SLC44A1: variants seen among roughly 807,000 people sequenced by gnomAD.
SLC44A1 encodes the protein solute carrier family 44 member 1.
In SLC44A1, 26 loss-of-function variants were observed where a neutral mutation model predicts 79.3. That is an observed-to-expected ratio of 0.33 (90% confidence interval 0.24 to 0.46). The LOEUF is 0.46. SLC44A1 is among the 20% of genes least tolerant of loss of function. The pLI is 1.00. For synonymous variants in SLC44A1, 263 were observed against 286.2 expected (o/e 0.92, Z 0.82); for missense variants, 688 against 798.1 (o/e 0.86, Z 1.66).
intron 4 of SLC44A1, among the ~76,000 whole-genome samples, chr9:105,339,144 A>G (rs1827012438): frequency 6.6e-6 from 1 of 152,240 alleles, no homozygotes; most frequent in Non-Finnish European, 1.5e-5. Flanking sequence ...ACAAAAATCA[A>G]CAGAGTGAAA....
Position 105,396,326 on chromosome 9 carries a change from A to G in SLC44A1, c.*7270A>G. 1.0e-6 allele frequency: 1 copy of G among 985,396 alleles called. No homozygotes were observed. The highest frequency in any genetic ancestry group is 1.2e-6 in the Non-Finnish European group (1 of 829,896). The allele number at this position is 985,396 out of a possible 1,614,324, so 61.0% of individuals were successfully genotyped here. A position where few individuals can be genotyped will look rare whatever the true frequency, so the allele number is the denominator to read the frequency against. ...TTAACTGATTTTATTACAGGAGAAA[A>G]AAACTTTAACAAAAAGGCAGGGAGA... On this transcript the variant is annotated 3_prime_UTR_variant, in exon 16 of 16. Transcript: ENST00000374720.
At chr9:105,385,602 G>T in intron 15 of SLC44A1, 100 bp downstream of exon 15, 13 of 1,522,280 alleles carry the variant, frequency 8.5e-6, no homozygotes, top group Middle Eastern at 1.7e-4. Context: ...AGAAGCTTTT[G>T]TTATCTGTAT....
intron 2 of SLC44A1, among the ~76,000 whole-genome samples, chr9:105,306,398 C>T (rs59290851): frequency 0.042 from 6,345 of 152,114 alleles, 449 homozygotes; most frequent in African/African-American, 0.14. Context: ...ATATTGCTTC[C>T]CACATTCGGA....
chr9:105,302,471 G>A (rs1290792161), intron 2 of SLC44A1, among the ~76,000 whole-genome samples: 1 of 151,698 alleles, frequency 6.6e-6, no homozygotes, highest in Admixed American at 6.6e-5. Context: ...TCCTGCCTCG[G>A]CCTCCTGAGT....
At chr9:105,327,714 C>T (rs933547517) in intron 3 of SLC44A1, among the ~76,000 whole-genome samples, 1 of 152,172 alleles carries the variant, frequency 6.6e-6, no homozygotes, top group Non-Finnish European at 1.5e-5. Flanking sequence ...GTTCCTACCC[C>T]CTTTCATCCA....
In SLC44A1 at chr9:105,390,389, G is replaced by A; in HGVS notation, c.*1333G>A. The stretch of plus-strand genomic sequence containing the variant: ...GTTAATGTAAAGTAAATATTTCAGA[G>A]CAAATTTTTTAAACTTATTGCACTA... On this transcript the variant is annotated 3_prime_UTR_variant, in exon 16 of 16. Coordinates refer to ENST00000374720, the MANE Select transcript of SLC44A1 (RefSeq NM_080546.5). 1.1e-6 allele frequency: 1 copy of A among 898,260 alleles called. No homozygotes were observed. 55.6% of individuals were successfully genotyped at this position (898,260 alleles called of 1,614,324 possible).
chr9:105,405,845 C>T lies in SLC44A1; in HGVS notation c.1950+20343C>T, dbSNP rs930454320. 3.3e-5 allele frequency among the ~76,000 whole-genome samples: 5 copies of T among 152,042 alleles called. No individual in the cohort carries two copies. The East Asian group carries it at 7.7e-4, about 23-fold the overall frequency. The stretch of plus-strand genomic sequence containing the variant: ...GGTGAAGAATAACAGATGCGGCAAA[C>T]GGCAGACAGATGGAAGCCTGGGAAA... On this transcript the variant is annotated intron_variant, in intron 15 of 15. Transcript: ENST00000374724.
At chr9:105,362,304 T>C (rs936086245) in intron 8 of SLC44A1, among the ~76,000 whole-genome samples, 5 of 152,194 alleles carry the variant, frequency 3.3e-5, no homozygotes, top group Non-Finnish European at 5.9e-5. Flanking sequence ...TATTTGTTAG[T>C]TATTGTTATA....
At chr9:105,273,477 CCTTTTTTG>C (rs1244397155) in intron 1 of SLC44A1, among the ~76,000 whole-genome samples, 1 of 152,090 alleles carries the variant, frequency 6.6e-6, no homozygotes, top group Non-Finnish European at 1.5e-5. Flanking sequence ...CTGTATTTTT[CCTTTTTTG>C]CTTTTTTCTA....
rs2131288825 is a variant in SLC44A1 at position 105,299,453 on chromosome 9, A to G, written c.126+144A>G. ...TGTGTCACTCTTGATTTGTTTTTCT[A>G]CATGAAAACTGAGCTCAAATTAAGG... On this transcript the variant is annotated intron_variant, in intron 2 of 15. Coordinates refer to ENST00000374720, the MANE Select transcript of SLC44A1 (RefSeq NM_080546.5). 3 of 568,392 alleles carry G rather than the reference A, an allele frequency of 5.3e-6. No homozygotes were observed. In the South Asian group the frequency reaches 9.4e-5, roughly 18 times the overall value. 35.2% of individuals were successfully genotyped at this position (568,392 alleles called of 1,614,324 possible). A position where few individuals can be genotyped will look rare whatever the true frequency, so the allele number is the denominator to read the frequency against.
intron 9 of SLC44A1, among the ~76,000 whole-genome samples, 198 bp downstream of exon 9, chr9:105,363,205 CA>C (rs1827836010): frequency 6.6e-6 from 1 of 152,212 alleles, no homozygotes; most frequent in South Asian, 2.1e-4. Flanking sequence ...CTCTGTCACC[CA>C]GGCTGGAGTG....
At chr9:105,419,094 C>T (rs1362985599) in intron 15 of SLC44A1, among the ~76,000 whole-genome samples, 1 of 151,920 alleles carries the variant, frequency 6.6e-6, no homozygotes, top group Admixed American at 6.6e-5. Flanking sequence ...TTTGAAAAGA[C>T]ACAAAAGAAA....
In SLC44A1 at chr9:105,393,773, G is replaced by T. The variant is rs759685967; in HGVS notation, c.*4717G>T. On this transcript the variant is annotated 3_prime_UTR_variant, in exon 16 of 16. Transcript: ENST00000374720. ...TCGTTAGTAAATTTGTGAAAAACAT[G>T]TGAGATTGTTCGAGACCTATTAGGC... is the stretch of plus-strand genomic sequence containing the variant. 2.3e-5 allele frequency: 23 copies of T among 985,268 alleles called. No individual in the cohort carries two copies. Among genetic ancestry groups the T allele is most frequent in the Non-Finnish European group, 2.8e-5 (23 of 829,812 alleles). 61.0% of individuals were successfully genotyped at this position (985,268 alleles called of 1,614,324 possible). A position where few individuals can be genotyped will look rare whatever the true frequency, so the allele number is the denominator to read the frequency against.
chr9:105,321,962 T>C (rs920896797), intron 3 of SLC44A1, among the ~76,000 whole-genome samples: 2 of 152,156 alleles, frequency 1.3e-5, no homozygotes, highest in Admixed American at 6.5e-5. Context: ...TGATTGATAG[T>C]ATAAATCACA....
At chr9:105,267,884 T>C (rs1341690942) in intron 1 of SLC44A1, among the ~76,000 whole-genome samples, 1 of 152,188 alleles carries the variant, frequency 6.6e-6, no homozygotes, top group East Asian at 1.9e-4. Flanking sequence ...CTCGCCTTTT[T>C]CTTCGGGAAA....
chr9:105,351,610 GAA>G lies in SLC44A1; in HGVS notation c.500+3161_500+3162del, dbSNP rs1453555141. Reference sequence around the variant, plus strand: ...AAAGAGAGAAAGAGAAAGAAAGAAAGAAAGAAAGAAAGAGAGAGAAAGAGAAA... The same window carrying G: ...AAAGAGAGAAAGAGAAAGAAAGAAAGAGAAAGAAAGAGAGAGAAAGAGAAA... On this transcript the variant is annotated intron_variant, in intron 5 of 15. Coordinates refer to ENST00000374720, the MANE Select transcript of SLC44A1 (RefSeq NM_080546.5). 3.5e-3 allele frequency among the ~76,000 whole-genome samples: 335 copies of G among 96,956 alleles called. 2 individuals are homozygous for G. Among genetic ancestry groups the G allele is most frequent in the Middle Eastern group, 0.02 (4 of 198 alleles). The allele number at this position is 96,956 out of a possible 152,430, so 63.6% of individuals were successfully genotyped here. A position where few individuals can be genotyped will look rare whatever the true frequency, so the allele number is the denominator to read the frequency against.
At chr9:105,280,112 A>G (rs1010646062) in intron 1 of SLC44A1, among the ~76,000 whole-genome samples, 2 of 152,238 alleles carry the variant, frequency 1.3e-5, no homozygotes, top group African/African-American at 4.8e-5. Context: ...CACTGTTCCA[A>G]TTAAATTTAA....
In SLC44A1 at chr9:105,374,575, A is replaced by T; in HGVS notation, c.1495-23A>T. The T allele has an allele frequency of 5.0e-6, 8 of 1,595,190 alleles. No individual in the cohort carries two copies. In the South Asian group the frequency reaches 9.1e-5, roughly 18 times the overall value. Reference sequence around the variant, plus strand: ...AAGGAAGTTTCAATTGTTGACGAAAATGTTGTTTTTGCTTTTGTCCAGAAT... The same window carrying T: ...AAGGAAGTTTCAATTGTTGACGAAATTGTTGTTTTTGCTTTTGTCCAGAAT... On this transcript the variant is annotated intron_variant, in intron 12 of 15. Coordinates refer to ENST00000374720, the MANE Select transcript of SLC44A1 (RefSeq NM_080546.5).
intron 4 of SLC44A1, among the ~76,000 whole-genome samples, chr9:105,344,901 A>G (rs558456183): frequency 1.9e-4 from 29 of 152,330 alleles, no homozygotes; most frequent in African/African-American, 6.7e-4. Flanking sequence ...AGTAGTGTGT[A>G]GAAATTCTGC....
Sources: gnomAD v4.1 joint callset for allele counts (sites outside exome capture counted in the v4.1 genomes callset) on GRCh38, gnomAD v4.1.1 for gene constraint, MANE v1.5 for transcripts, NCBI Gene and HGNC (gene_info 2026-07-23, HGNC 2026-07-21) for gene names.